Variants in ZNF827 observed in about 807,000 individuals in gnomAD.
The protein encoded by ZNF827 is zinc finger protein 827.
In ZNF827, 13 loss-of-function variants were observed where a neutral mutation model predicts 102.4. The ratio of observed to expected loss-of-function variants is 0.13; its 90% CI spans 0.08 to 0.20. ZNF827 has a LOEUF of 0.20. Ranked by LOEUF, ZNF827 falls within the 10% of genes least tolerant of loss-of-function variation. The probability of loss-of-function intolerance (pLI) is 1.00; values close to 1 mark genes in which losing one functional copy is unlikely to be tolerated. For missense variants in ZNF827, 1,103 were observed against 1,344.4 expected, an observed-to-expected ratio of 0.82 and a Z score of 2.81; for synonymous variants, 523 against 536.2, an observed-to-expected ratio of 0.98 and a Z score of 0.34.
At chr4:145,881,748 G>A (rs1427724278) in intron 4 of ZNF827, among the ~76,000 whole-genome samples, 2 of 152,122 alleles carry the variant, frequency 1.3e-5, no homozygotes, top group South Asian at 4.2e-4. Flanking sequence ...TCTCCTTCAT[G>A]TCAACCTTGA....
At position 145,759,954 on chromosome 4, in the gene ZNF827, C is replaced by T. The variant is rs760654008; in HGVS notation, c.*1662G>A. On this transcript the variant is annotated 3_prime_UTR_variant, in exon 15 of 15. Coordinates refer to ENST00000508784, the MANE Select transcript of ZNF827 (RefSeq NM_001306215.2). ...ATGCACTGTGTGTGTGCACCGTACA[C>T]ATTTGTCTACGTGTGGGCACACACA... The T allele has an allele frequency of 4.6e-5, 7 of 152,148 alleles. No individual in the cohort carries two copies. The highest frequency in any genetic ancestry group is 8.8e-5 in the Non-Finnish European group (6 of 68,034). 9.4% of individuals were successfully genotyped at this position (152,148 alleles called of 1,614,324 possible). A position where few individuals can be genotyped will look rare whatever the true frequency, so the allele number is the denominator to read the frequency against.
rs537562143 is a variant in ZNF827, at chr4:145,835,916, A to G, written c.2279+10040T>C. 2.0e-5 allele frequency among the ~76,000 whole-genome samples: 3 copies of G among 151,636 alleles called. No homozygotes were observed. In the South Asian group the frequency reaches 6.3e-4, roughly 32 times the overall value. Reference sequence around the variant, plus strand: ...CCTTATCAACCAAATTGTTTTGCCTATCCACCCCGTGGTGCCAAACCCATA... The same window carrying G: ...CCTTATCAACCAAATTGTTTTGCCTGTCCACCCCGTGGTGCCAAACCCATA... On this transcript the variant is annotated intron_variant, in intron 7 of 14. Transcript: ENST00000508784.
intron 8 of ZNF827, among the ~76,000 whole-genome samples, chr4:145,796,920 C>T (rs149624869): frequency 9.1e-4 from 139 of 152,282 alleles, no homozygotes; most frequent in African/African-American, 3.2e-3. Context: ...CATGAGCCAG[C>T]GTGCCCGGCC....
rs1006112784 is a variant in ZNF827 at position 145,761,131 on chromosome 4, G to A, written c.*485C>T. On this transcript the variant is annotated 3_prime_UTR_variant, in exon 15 of 15. Transcript: ENST00000508784. This position sits in a 1 kb window ranked among gnomAD's most constrained non-coding sequence, Gnocchi z 6.8. ...CCCGACCACCAGGAGCGGGGCCCCCGGGCCGGCCGGTTCCTTGGGGGCTGG... is the reference window on the plus strand; with the variant it reads ...CCCGACCACCAGGAGCGGGGCCCCCAGGCCGGCCGGTTCCTTGGGGGCTGG... 7 of 1,289,526 alleles carry A rather than the reference G, an allele frequency of 5.4e-6. No homozygotes were observed. The highest frequency in any genetic ancestry group is 7.1e-6 in the Non-Finnish European group (7 of 988,734). 79.9% of individuals were successfully genotyped at this position (1,289,526 alleles called of 1,614,324 possible). A position where few individuals can be genotyped will look rare whatever the true frequency, so the allele number is the denominator to read the frequency against.
chr4:145,789,178 G>C (rs1739312816), intron 8 of ZNF827, among the ~76,000 whole-genome samples: 1 of 152,074 alleles, frequency 6.6e-6, no homozygotes, highest in African/African-American at 2.4e-5. Context: ...TTAAATGGTG[G>C]GTCCTCGATA....
At chr4:145,924,847 G>C (rs1753313611) in intron 1 of ZNF827, among the ~76,000 whole-genome samples, 1 of 152,118 alleles carries the variant, frequency 6.6e-6, no homozygotes, top group South Asian at 2.1e-4. Flanking sequence ...CTGGTTCAAT[G>C]AAGTCCCTTA....
chr4:145,841,739 C>A (rs1745441351), intron 7 of ZNF827, among the ~76,000 whole-genome samples: 1 of 152,148 alleles, frequency 6.6e-6, no homozygotes, highest in Admixed American at 6.5e-5. Flanking sequence ...AGGACACAAA[C>A]AAGGGTGGAG....
chr4:145,843,064 T>C (rs1221320218), intron 7 of ZNF827, among the ~76,000 whole-genome samples: 1 of 151,980 alleles, frequency 6.6e-6, no homozygotes, highest in Non-Finnish European at 1.5e-5. Context: ...AGAAAGAAAA[T>C]TGGCATTTTT....
chr4:145,912,918 G>A (rs1297257484), intron 1 of ZNF827, among the ~76,000 whole-genome samples: 1 of 152,164 alleles, frequency 6.6e-6, no homozygotes, highest in Non-Finnish European at 1.5e-5. Context: ...TTTGGATGAA[G>A]GCCTGAGGCA....
At chr4:145,875,728 T>G (rs1749096557) in intron 4 of ZNF827, among the ~76,000 whole-genome samples, 1 of 152,136 alleles carries the variant, frequency 6.6e-6, no homozygotes, top group Non-Finnish European at 1.5e-5. Context: ...GCTGAACTGC[T>G]CTGTGAAAAA....
At chr4:145,894,359 G>A (rs1030982368) in intron 2 of ZNF827, among the ~76,000 whole-genome samples, 1 of 152,180 alleles carries the variant, frequency 6.6e-6, no homozygotes, top group African/African-American at 2.4e-5. Flanking sequence ...GAAGGAATCA[G>A]GAGGGAAACT....
At chr4:145,906,784 T>C (rs1751901686) in intron 1 of ZNF827, among the ~76,000 whole-genome samples, 1 of 152,232 alleles carries the variant, frequency 6.6e-6, no homozygotes, top group Non-Finnish European at 1.5e-5. Flanking sequence ...TGTTTGTGGC[T>C]CCTAAAATGC....
intron 8 of ZNF827, among the ~76,000 whole-genome samples, chr4:145,810,517 G>A (rs1188904018): frequency 6.6e-6 from 1 of 152,144 alleles, no homozygotes; most frequent in East Asian, 1.9e-4. Context: ...TCTCACTACT[G>A]TCCCCTTCTC....
rs1735084657 is a variant in ZNF827, at chr4:145,765,134, G to A, written c.3084C>T (p.Cys1028=). 1 of 1,613,286 alleles carries A rather than the reference G, an allele frequency of 6.2e-7. No individual in the cohort carries two copies. The highest frequency in any genetic ancestry group is 1.1e-5 in the South Asian group (1 of 90,910). Residue 1028 remains cysteine (C), a synonymous_variant, in exon 13 of 15, where the codon TGC becomes TGT. Coordinates refer to ENST00000508784, the MANE Select transcript of ZNF827 (RefSeq NM_001306215.2). This position sits in a 1 kb window ranked among gnomAD's most constrained non-coding sequence, Gnocchi z 4.7. ...GACGCTCAAACATGTTCTTCGTCTTGCAGACAAAGTTGCAAAAAACACATT... is the reference window on the plus strand; with the variant it reads ...GACGCTCAAACATGTTCTTCGTCTTACAGACAAAGTTGCAAAAAACACATT... ...GFECVFCNFV[C]KTKNMFERHL...
chr4:145,810,931 C>T (rs1436940296), intron 8 of ZNF827, among the ~76,000 whole-genome samples: 6 of 151,698 alleles, frequency 4.0e-5, no homozygotes, highest in Non-Finnish European at 5.9e-5. Context: ...GAGACATTGA[C>T]GTCCAGCTCA....
intron 5 of ZNF827, among the ~76,000 whole-genome samples, chr4:145,852,874 C>A (rs1249479306): frequency 6.6e-6 from 1 of 152,142 alleles, no homozygotes; most frequent in Admixed American, 6.5e-5. Flanking sequence ...CTCAAGCAAC[C>A]CTCCTGCCTC....
intron 1 of ZNF827, among the ~76,000 whole-genome samples, chr4:145,913,882 A>G (rs1752475856): frequency 6.6e-6 from 1 of 152,200 alleles, no homozygotes; most frequent in Non-Finnish European, 1.5e-5. Flanking sequence ...AAATTACCAA[A>G]CTACTGAAAT....
At chr4:145,910,727 C>T (rs1055010000) in intron 1 of ZNF827, among the ~76,000 whole-genome samples, 1 of 152,162 alleles carries the variant, frequency 6.6e-6, no homozygotes, top group Non-Finnish European at 1.5e-5. Context: ...AAACTCTTAC[C>T]TGAACCTCAA....
At chr4:145,875,422 G>A (rs1749073361) in intron 4 of ZNF827, among the ~76,000 whole-genome samples, 1 of 152,110 alleles carries the variant, frequency 6.6e-6, no homozygotes, top group African/African-American at 2.4e-5. Context: ...AGACACCCAG[G>A]TACCTTTAAA....
Sources: allele counts gnomAD v4.1 joint callset (sites outside exome capture counted in the v4.1 genomes callset), GRCh38; gene constraint gnomAD v4.1.1; non-coding constraint Gnocchi (gnomAD v3.1); transcripts MANE v1.5; gene names NCBI Gene and HGNC (gene_info 2026-07-23, HGNC 2026-07-21).